Variants in DDR2 observed in about 807,000 individuals in gnomAD.
The protein encoded by DDR2 is discoidin domain-containing receptor 2.
In DDR2, 27 loss-of-function variants were observed where a neutral mutation model predicts 94.9. The observed-to-expected ratio is 0.28, with a 90% CI of 0.21 to 0.39. The LOEUF (loss-of-function observed/expected upper bound fraction) is 0.39, where lower values mean the gene tolerates loss of function less well. DDR2 is among the 10% of genes least tolerant of loss of function. The pLI, the probability that DDR2 is intolerant of heterozygous loss-of-function variation, is 1.00. For missense variants in DDR2, 783 were observed against 1,076.0 expected (o/e 0.73, Z 3.81); for synonymous variants, 382 against 377.2 (o/e 1.01, Z -0.15).
chr1:162,748,137 T>A lies in DDR2; in HGVS notation c.83-4958T>A, dbSNP rs533777731. 1.8e-3 allele frequency among the ~76,000 whole-genome samples: 278 copies of A among 152,288 alleles called. 2 individuals are homozygous for A. The highest frequency in any genetic ancestry group is 2.2e-3 in the Non-Finnish European group (150 of 68,020). On this transcript the variant is annotated intron_variant, in intron 3 of 17. Transcript: ENST00000367921. ...CTAACATCATAATGACAGGATCAAATTCACATGTAACAATATTAACCTTAA... is the reference window on the plus strand; with the variant it reads ...CTAACATCATAATGACAGGATCAAAATCACATGTAACAATATTAACCTTAA...
At chr1:162,774,311 C>G (rs1297541753) in intron 14 of DDR2, among the ~76,000 whole-genome samples, 9 of 152,208 alleles carry the variant, frequency 5.9e-5, no homozygotes, top group Non-Finnish European at 1.3e-4. Context: ...CCAGAGAAAT[C>G]TCCACACCTG....
chr1:162,770,672 T>G, intron 12 of DDR2, 160 bp downstream of exon 12: 1 of 789,286 alleles, frequency 1.3e-6, no homozygotes, highest in Non-Finnish European at 2.2e-6. Flanking sequence ...CCGCTGCTCC[T>G]GGCCTAATTT....
At position 162,776,360 on chromosome 1, in the gene DDR2, G is replaced by C. The variant is rs760669535; in HGVS notation, c.2273G>C (p.Ser758Thr). ...CCTATCCGCTGGATGTCTTGGGAGA[G>C]TATCTTGCTGGTAAGTTCTCAGCAT... ...VLPIRWMSWESILLGKFTTAS... is the reference protein window; with the variant it reads ...VLPIRWMSWETILLGKFTTAS... The change falls in exon 16 of 18, where the codon AGT becomes ACT. Residue 758 changes from serine to threonine, a missense_variant. Transcript: ENST00000367921. The C allele has an allele frequency of 6.2e-7, 1 of 1,614,054 alleles. No individual in the cohort carries two copies. The highest frequency in any genetic ancestry group is 8.5e-7 in the Non-Finnish European group (1 of 1,179,932).
chr1:162,744,270 A>G (rs1219215649), intron 3 of DDR2, among the ~76,000 whole-genome samples: 1 of 152,218 alleles, frequency 6.6e-6, no homozygotes, highest in Non-Finnish European at 1.5e-5. Flanking sequence ...TTAATCTTGT[A>G]TAACCGAACT....
Position 162,725,753 on chromosome 1 carries a change from C to A in DDR2, c.82+6608C>A, listed in dbSNP as rs372137250. ...GAGGAAACCCAGATTCATGGACCAG[C>A]CACGAATGGGCTACAGAGACCCGTG... On this transcript the variant is annotated intron_variant, in intron 3 of 17. Coordinates refer to ENST00000367921, the MANE Select transcript of DDR2 (RefSeq NM_006182.4). Among the ~76,000 whole-genome samples the A allele has an allele frequency of 2.0e-5, 3 of 152,304 alleles. No individual in the cohort carries two copies. The East Asian group carries it at 5.8e-4, about 29-fold the overall frequency.
chr1:162,767,807 G>GTGT (rs1553253185), intron 11 of DDR2, among the ~76,000 whole-genome samples: 1 of 149,460 alleles, frequency 6.7e-6, no homozygotes, highest in Non-Finnish European at 1.5e-5. Context: ...TTGTCTGTTT[G>GTGT]GTGTGTGTGT....
At chr1:162,736,519 T>A (rs555834708) in intron 3 of DDR2, among the ~76,000 whole-genome samples, 1 of 152,360 alleles carries the variant, frequency 6.6e-6, no homozygotes, top group East Asian at 1.9e-4. Context: ...GAATGTGTGA[T>A]TAGTGGGAAA....
chr1:162,722,196 A>G (rs1192754231), intron 3 of DDR2, among the ~76,000 whole-genome samples: 1 of 152,260 alleles, frequency 6.6e-6, no homozygotes, highest in Non-Finnish European at 1.5e-5. Flanking sequence ...GCACGAAGGC[A>G]GCAGAGTTTT....
intron 3 of DDR2, among the ~76,000 whole-genome samples, chr1:162,727,940 C>T (rs1009442569): frequency 4.8e-5 from 6 of 125,802 alleles, no homozygotes; most frequent in Non-Finnish European, 8.3e-5. Flanking sequence ...AGAGCTAAGT[C>T]GACAATCACA....
intron 1 of DDR2, among the ~76,000 whole-genome samples, chr1:162,638,051 C>T (rs1656924836): frequency 6.6e-6 from 1 of 152,072 alleles, no homozygotes; most frequent in Admixed American, 6.6e-5. Flanking sequence ...GACGGAGTCT[C>T]ACTCTGTCAC....
chr1:162,779,983 A>T (rs2102210286), intron 17 of DDR2, 129 bp from the exon 18 acceptor site: 1 of 1,342,950 alleles, frequency 7.4e-7, no homozygotes, highest in Non-Finnish European at 1.1e-6. Context: ...CACCCATTTC[A>T]GTTATCAAGT....
At chr1:162,697,003 A>G (rs1412733647) in intron 2 of DDR2, among the ~76,000 whole-genome samples, 1 of 151,906 alleles carries the variant, frequency 6.6e-6, no homozygotes, top group Non-Finnish European at 1.5e-5. Context: ...GTGGGCCTCC[A>G]TGCCTCTTTT....
At chr1:162,730,326 G>A (rs948313109) in intron 3 of DDR2, among the ~76,000 whole-genome samples, 4 of 152,182 alleles carry the variant, frequency 2.6e-5, no homozygotes, top group Admixed American at 6.5e-5. Context: ...TGCAGGGGAG[G>A]GTGAGGCCTT....
chr1:162,637,279 G>A (rs1256194870), intron 1 of DDR2, among the ~76,000 whole-genome samples: 1 of 152,062 alleles, frequency 6.6e-6, no homozygotes, highest in East Asian at 1.9e-4. Context: ...ATAAAATTTA[G>A]TTTTTAAAGT....
intron 1 of DDR2, among the ~76,000 whole-genome samples, chr1:162,650,378 T>C (rs1657628205): frequency 6.6e-6 from 1 of 152,118 alleles, no homozygotes; most frequent in Non-Finnish European, 1.5e-5. Flanking sequence ...GGCAGATCAC[T>C]TGAGGTCAGG....
At chr1:162,755,067 A>G in intron 5 of DDR2, 89 bp from the exon 6 acceptor site, 1 of 1,573,710 alleles carries the variant, frequency 6.4e-7, no homozygotes, top group East Asian at 2.2e-5. Context: ...CGAATTAAGA[A>G]GAGAGAGTCC....
chr1:162,713,522 T>A (rs909216823), intron 2 of DDR2, among the ~76,000 whole-genome samples: 1 of 152,222 alleles, frequency 6.6e-6, no homozygotes, highest in African/African-American at 2.4e-5. Flanking sequence ...GCTGTCAGCA[T>A]GGTGTTTAAT....
intron 2 of DDR2, among the ~76,000 whole-genome samples, chr1:162,663,143 C>A (rs934708077): frequency 6.6e-6 from 1 of 152,122 alleles, no homozygotes; most frequent in Admixed American, 6.6e-5. Context: ...TCCCAGTATC[C>A]CTGGCCTGTA....
chr1:162,711,592 G>A, intron 2 of DDR2, among the ~76,000 whole-genome samples: 1 of 152,184 alleles, frequency 6.6e-6, no homozygotes, highest in Non-Finnish European at 1.5e-5. Context: ...AAGAATGGAG[G>A]TACTCAAACT....
Sources: allele counts gnomAD v4.1 joint callset (sites outside exome capture counted in the v4.1 genomes callset), GRCh38; gene constraint gnomAD v4.1.1; transcripts MANE v1.5; gene names NCBI Gene and HGNC (gene_info 2026-07-23, HGNC 2026-07-21).